Variants in TRAPPC9 observed in about 807,000 individuals in gnomAD.
TRAPPC9 encodes the protein trafficking protein particle complex subunit 9, also known as IKK2 binding protein.
Under a neutral mutation model 124.0 loss-of-function variants are expected in TRAPPC9, and 83 were observed. The ratio of observed to expected loss-of-function variants is 0.67; its 90% CI spans 0.56 to 0.80. TRAPPC9 has a LOEUF of 0.80. Among genes scored for constraint, TRAPPC9 ranks in the 30% least tolerant of loss-of-function variants. The probability of loss-of-function intolerance (pLI) is 0.00; values close to 1 mark genes in which losing one functional copy is unlikely to be tolerated. For missense variants in TRAPPC9, 1,302 were observed against 1,508.3 expected, an observed-to-expected ratio of 0.86 and a Z score of 2.27; for synonymous variants, 638 against 617.5, an observed-to-expected ratio of 1.03 and a Z score of -0.49.
At chr8:139,784,514 C>T (rs1225562788) in intron 21 of TRAPPC9, among the ~76,000 whole-genome samples, 1 of 150,880 alleles carries the variant, frequency 6.6e-6, no homozygotes, top group Non-Finnish European at 1.5e-5. Context: ...GCTGAGGTTG[C>T]AGTGAGCAGA....
intron 17 of TRAPPC9, among the ~76,000 whole-genome samples, chr8:140,194,378 T>C (rs2062583704): frequency 6.6e-6 from 1 of 152,192 alleles, no homozygotes; most frequent in African/African-American, 2.4e-5. Context: ...CACATCCTTC[T>C]GTATAACTTA....
intron 21 of TRAPPC9, chr8:139,881,076 A>G (rs1231001221): frequency 1.3e-5 from 2 of 152,194 alleles, no homozygotes; most frequent in East Asian, 3.9e-4. Context: ...CAACCCAAAC[A>G]CTATCAATTA....
At chr8:139,971,077 A>C (rs1836032260) in intron 19 of TRAPPC9, among the ~76,000 whole-genome samples, 1 of 151,490 alleles carries the variant, frequency 6.6e-6, no homozygotes, top group Non-Finnish European at 1.5e-5. Flanking sequence ...CTCTGCACCA[A>C]TGGCACCCCC....
intron 17 of TRAPPC9, among the ~76,000 whole-genome samples, chr8:140,177,870 A>C (rs2130988264): frequency 6.6e-6 from 1 of 152,212 alleles, no homozygotes; most frequent in East Asian, 1.9e-4. Context: ...CAATTCTTGC[A>C]CATCTTTTCT....
At chr8:140,041,758 G>A (rs1429944314) in intron 17 of TRAPPC9, among the ~76,000 whole-genome samples, 1 of 152,182 alleles carries the variant, frequency 6.6e-6, no homozygotes, top group Non-Finnish European at 1.5e-5. Flanking sequence ...GATCACTTGA[G>A]GTCAGGAGTT....
At position 139,732,101 on chromosome 8, in the gene TRAPPC9, G is replaced by A. The variant is rs147499593; in HGVS notation, c.3157C>T (p.Arg1053Cys). The stretch of plus-strand genomic sequence containing the variant: ...GTGAGGGCGAAGGGCCCTACGCTGC[G>A]CGGGCTCCGGTTGGTCAGCCGCACC... ...LEVRLTNRSP[R>C]SVGPFALTVV... The change falls in exon 22 of 23, where the codon CGC becomes TGC. Residue 1053 changes from arginine (R) to cysteine (C), a missense_variant. Arg to Cys is a radical substitution (Grantham distance 180, BLOSUM62 -3). Around this residue, in one of 3 missense-constraint regions of TRAPPC9, gnomAD observed 640 missense variants for 679.3 expected, o/e 0.94. Coordinates refer to ENST00000438773, the MANE Select transcript of TRAPPC9 (RefSeq NM_001160372.4). 2.2e-3 allele frequency: 3,469 copies of A among 1,606,336 alleles called. 2 individuals carry two copies. The highest frequency in any genetic ancestry group is 2.9e-3 in the East Asian group (128 of 44,546).
At chr8:140,339,533 A>G (rs1274689617) in intron 9 of TRAPPC9, among the ~76,000 whole-genome samples, 1 of 152,206 alleles carries the variant, frequency 6.6e-6, no homozygotes, top group East Asian at 1.9e-4. Context: ...AGAGAAGTTC[A>G]CACGTGGAAA....
chr8:139,845,792 A>G (rs1320282333), intron 21 of TRAPPC9, among the ~76,000 whole-genome samples: 6 of 152,214 alleles, frequency 3.9e-5, no homozygotes, highest in Admixed American at 3.3e-4. Context: ...TACTGAAGCC[A>G]CTATTACTCG....
At chr8:140,458,025 G>A (rs2071758529), upstream of TRAPPC9, among the ~76,000 whole-genome samples, 1 of 120,590 alleles carries the variant, frequency 8.3e-6, no homozygotes. Context: ...AGAGTAGGAG[G>A]AGGAGGGGTG....
At chr8:140,230,089 C>A (rs1412547596) in intron 16 of TRAPPC9, among the ~76,000 whole-genome samples, 1 of 152,168 alleles carries the variant, frequency 6.6e-6, no homozygotes, top group Non-Finnish European at 1.5e-5. Flanking sequence ...AACATTCACA[C>A]AGCAGCAAGG....
chr8:140,088,644 G>C (rs1844359874), intron 17 of TRAPPC9, among the ~76,000 whole-genome samples: 4 of 152,172 alleles, frequency 2.6e-5, no homozygotes, highest in Non-Finnish European at 1.5e-5. Flanking sequence ...ATTTGAAAAT[G>C]TGACATATAC....
At position 140,081,346 on chromosome 8, in the gene TRAPPC9, C is replaced by CATTTTTTTTTTTTTTTTTTTTTT. The variant is rs35254769; in HGVS notation, c.2557-57268_2557-57267insAAAAAAAAAAAAAAAAAAAAAAT. 1.4e-5 allele frequency among the ~76,000 whole-genome samples: 2 copies of CATTTTTTTTTTTTTTTTTTTTTT among 141,050 alleles called. 1 individual carries two copies. Among genetic ancestry groups the CATTTTTTTTTTTTTTTTTTTTTT allele is most frequent in the Non-Finnish European group, 3.0e-5 (2 of 66,052 alleles). 92.5% of individuals were successfully genotyped at this position (141,050 alleles called of 152,430 possible). The stretch of plus-strand genomic sequence containing the variant: ...GTCAAGGTGAAGAATAAAATGAATG[C>CATTTTTTTTTTTTTTTTTTTTTT]TTTTTTTTTTTTTTTTTGAGACAGA... On this transcript the variant is annotated intron_variant, in intron 17 of 22. Coordinates refer to ENST00000438773, the MANE Select transcript of TRAPPC9 (RefSeq NM_001160372.4).
chr8:140,159,401 C>G (rs1439739702), intron 17 of TRAPPC9, among the ~76,000 whole-genome samples: 1 of 152,116 alleles, frequency 6.6e-6, no homozygotes, highest in Non-Finnish European at 1.5e-5. Flanking sequence ...TTGACCATCG[C>G]CCATGCAATT....
At chr8:140,379,672 C>T (rs891205892) in intron 7 of TRAPPC9, among the ~76,000 whole-genome samples, 1 of 152,026 alleles carries the variant, frequency 6.6e-6, no homozygotes, top group African/African-American at 2.4e-5. Context: ...AAAAATTAAG[C>T]CAGCAACTAG....
At chr8:140,151,280 G>A (rs1437455973) in intron 17 of TRAPPC9, among the ~76,000 whole-genome samples, 1 of 152,162 alleles carries the variant, frequency 6.6e-6, no homozygotes, top group Non-Finnish European at 1.5e-5. Context: ...CTCACAGCAG[G>A]CCTGGGGTTC....
chr8:140,280,538 C>T (rs2065278798), intron 14 of TRAPPC9, among the ~76,000 whole-genome samples: 1 of 152,132 alleles, frequency 6.6e-6, no homozygotes, highest in Non-Finnish European at 1.5e-5. Context: ...AAGCGATTCT[C>T]CTGCCTCAGC....
chr8:139,904,133 G>T (rs966037037), intron 20 of TRAPPC9, among the ~76,000 whole-genome samples: 1 of 152,180 alleles, frequency 6.6e-6, no homozygotes. Flanking sequence ...GTGTGCCCTG[G>T]TGTTCAGTCC....
At chr8:140,336,776 C>A (rs1176196377) in intron 9 of TRAPPC9, among the ~76,000 whole-genome samples, 1 of 152,134 alleles carries the variant, frequency 6.6e-6, no homozygotes, top group Non-Finnish European at 1.5e-5. Flanking sequence ...CTCCTTGGTA[C>A]AGAAACAAAC....
At chr8:139,895,056 C>T (rs1417023520) in intron 20 of TRAPPC9, among the ~76,000 whole-genome samples, 1 of 152,214 alleles carries the variant, frequency 6.6e-6, no homozygotes, top group Non-Finnish European at 1.5e-5. Context: ...GAGGGCTCAA[C>T]CACACGTCCC....
Sources: allele counts gnomAD v4.1 joint callset (sites outside exome capture counted in the v4.1 genomes callset), GRCh38; gene constraint gnomAD v4.1.1; regional missense constraint gnomAD v4.1.1; transcripts MANE v1.5; gene names NCBI Gene and HGNC (gene_info 2026-07-23, HGNC 2026-07-21).